Variants in EPHB6 observed in about 807,000 individuals in gnomAD.
The protein encoded by EPHB6 is ephrin type-B receptor 6.
In EPHB6, 51 loss-of-function variants were observed where a neutral mutation model predicts 107.0. The observed-to-expected ratio is 0.48, with a 90% CI of 0.38 to 0.60. EPHB6 has a LOEUF of 0.60. EPHB6 is among the 20% of genes least tolerant of loss of function. EPHB6 has a pLI of 0.00. For synonymous variants in EPHB6, 553 were observed against 549.0 expected (o/e 1.01, Z -0.10); for missense variants, 1,141 against 1,355.5 (o/e 0.84, Z 2.48).
In EPHB6 at chr7:142,869,581, G is replaced by A. The variant is rs1794801004; in HGVS notation, c.2461-236G>A. Among the ~76,000 whole-genome samples, 1 of 152,140 alleles carries A rather than the reference G, an allele frequency of 6.6e-6. No individual in the cohort carries two copies. Among genetic ancestry groups the A allele is most frequent in the South Asian group, 2.1e-4 (1 of 4,828 alleles). ...GAGGGTTGTTATGAGGATTAAATGAGATGCTTGATGTAAAACCCTTAACAT... is the reference window on the plus strand; with the variant it reads ...GAGGGTTGTTATGAGGATTAAATGAAATGCTTGATGTAAAACCCTTAACAT... On this transcript the variant is annotated intron_variant, in intron 16 of 19. Transcript: ENST00000652003. This position sits in a 1 kb window ranked among gnomAD's most constrained non-coding sequence, Gnocchi z 4.5.
Position 142,865,494 on chromosome 7 carries a change from T to C in EPHB6, c.969T>C (p.Tyr323=), listed in dbSNP as rs747000839. ...CCTCAGCCTGCCCACGGGGGCTCTATAAGGCTTCTGCTGGGAATGCTCCCT... is the reference window on the plus strand; with the variant it reads ...CCTCAGCCTGCCCACGGGGGCTCTACAAGGCTTCTGCTGGGAATGCTCCCT... ...KACQACPRGL[Y]KASAGNAPCS... is the part of the protein sequence containing the mutation. Residue 323 remains tyrosine, a synonymous_variant, in exon 8 of 20, where the codon TAT becomes TAC. Transcript: ENST00000652003. 1 of 1,613,404 alleles carries C rather than the reference T, an allele frequency of 6.2e-7. No homozygotes were observed. The highest frequency in any genetic ancestry group is 1.1e-5 in the South Asian group (1 of 91,070).
At chr7:142,861,679 T>C (rs1279221123) in intron 2 of EPHB6, among the ~76,000 whole-genome samples, 6 of 152,260 alleles carry the variant, frequency 3.9e-5, no homozygotes, top group African/African-American at 1.4e-4. Context: ...GGATGTACTA[T>C]AATTTTACTG....
rs778054112 is a variant in EPHB6, at chr7:142,864,685, A to G, written c.885A>G (p.Val295=). 1.2e-6 allele frequency: 2 copies of G among 1,612,906 alleles called. No homozygotes were observed. Among genetic ancestry groups the G allele is most frequent in the Non-Finnish European group, 1.7e-6 (2 of 1,179,982 alleles). The change falls in exon 7 of 20, where the codon GTA becomes GTG. Residue 295 remains valine, a synonymous_variant. Coordinates refer to ENST00000652003, the MANE Select transcript of EPHB6 (RefSeq NM_004445.6). ...GCAACGGGGAGGGCAAGTGGATGGT[A>G]GCTGTCGGGGGCTGCCGCTGCCAGC... ...LHCNGEGKWM[V]AVGGCRCQPG...
chr7:142,856,767 G>C (rs951890755), intron 1 of EPHB6, among the ~76,000 whole-genome samples: 16 of 152,168 alleles, frequency 1.1e-4, no homozygotes, highest in African/African-American at 3.9e-4. Flanking sequence ...ACTGGGGGTA[G>C]AGCAGGGGCC....
intron 1 of EPHB6, among the ~76,000 whole-genome samples, chr7:142,858,502 C>T (rs1399355707): frequency 7.7e-6 from 1 of 130,348 alleles, no homozygotes; most frequent in Non-Finnish European, 1.5e-5. Context: ...GTGGCACGAT[C>T]TCGGCTCACT....
In EPHB6 at chr7:142,868,461, TC is replaced by T. The variant is rs1325288064; in HGVS notation, c.2039-27del. On this transcript the variant is annotated intron_variant, in intron 14 of 19. Transcript: ENST00000652003. The surrounding 1 kb of genome is among the most constrained non-coding windows in gnomAD (Gnocchi z 4.2). ...CACAGCAGGACGCTGTGAGCCTTGA[TC>T]CCCACCCCAACCTACACCTATTTTC... The T allele has an allele frequency of 1.2e-6, 2 of 1,614,068 alleles. No individual in the cohort carries two copies. Among genetic ancestry groups the T allele is most frequent in the Admixed American group, 3.3e-5 (2 of 60,026 alleles).
At position 142,855,076 on chromosome 7, in the gene EPHB6, G is replaced by C. The variant is rs1293311655; in HGVS notation, c.-741G>C. The C allele has an allele frequency of 2.6e-5, 4 of 152,312 alleles. No individual in the cohort carries two copies. In the East Asian group the frequency reaches 5.8e-4, roughly 22 times the overall value. The allele number at this position is 152,312 out of a possible 1,614,324, so 9.4% of individuals were successfully genotyped here. A position where few individuals can be genotyped will look rare whatever the true frequency, so the allele number is the denominator to read the frequency against. On this transcript the variant is annotated 5_prime_UTR_variant, in exon 1 of 20. Transcript: ENST00000652003. The surrounding 1 kb of genome is among the most constrained non-coding windows in gnomAD (Gnocchi z 4.2). ...GGAGGGGACGCGGAGGGGGCGGGCCGGGCTGCGTTCGCTCCAGCCGCGGCT... is the reference window on the plus strand; with the variant it reads ...GGAGGGGACGCGGAGGGGGCGGGCCCGGCTGCGTTCGCTCCAGCCGCGGCT...
rs377141828 is a variant in EPHB6, at chr7:142,868,263, C to T, written c.1941C>T (p.Ile647=). 28 of 1,614,034 alleles carry T rather than the reference C, an allele frequency of 1.7e-5. No homozygotes were observed. The highest frequency in any genetic ancestry group is 1.6e-4 in the Middle Eastern group (1 of 6,084). The change falls in exon 14 of 20, where the codon ATC becomes ATT. Residue 647 remains isoleucine (I), a synonymous_variant. Transcript: ENST00000652003. The surrounding 1 kb of genome is among the most constrained non-coding windows in gnomAD (Gnocchi z 4.2). Reference sequence around the variant, plus strand: ...CAGGACTCGGGGTGAAGTATTACATCGACCCCTCCACCTACGAGGACCCCT... The same window carrying T: ...CAGGACTCGGGGTGAAGTATTACATTGACCCCTCCACCTACGAGGACCCCT... ...SSPGLGVKYY[I]DPSTYEDPCQ...
intron 8 of EPHB6, 51 bp from the exon 9 acceptor site, chr7:142,865,909 C>T (rs747692738): frequency 6.3e-7 from 1 of 1,576,948 alleles, no homozygotes; most frequent in Non-Finnish European, 8.7e-7. Context: ...CTCAATCACC[C>T]CCACTGCTGC....
rs767219551 is a variant in EPHB6 at position 142,864,560 on chromosome 7, G to T, written c.760G>T (p.Ala254Ser). Residue 254 changes from alanine (A) to serine (S), a missense_variant, in exon 7 of 20, where the codon GCC (alanine) becomes TCC (serine). Coordinates refer to ENST00000652003, the MANE Select transcript of EPHB6 (RefSeq NM_004445.6). ...GACGCAGGCCAGTGGGGCTGGGGGGGCCTCCCTGGTGGCAGCTGTGGGCAC... is the reference window on the plus strand; with the variant it reads ...GACGCAGGCCAGTGGGGCTGGGGGGTCCTCCCTGGTGGCAGCTGTGGGCAC... ...PETQASGAGG[A>S]SLVAAVGTCV... 6.2e-7 allele frequency: 1 copy of T among 1,613,200 alleles called. No homozygotes were observed.
chr7:142,867,752 C>A lies in EPHB6; in HGVS notation c.1865+30C>A. 6.3e-7 allele frequency: 1 copy of A among 1,576,778 alleles called. No homozygotes were observed. The highest frequency in any genetic ancestry group is 1.1e-5 in the South Asian group (1 of 87,520). ...GTCCCCACCCCTGCCCAACTCTGCC[C>A]AGCACCATTAACTCCACAGCCAAAC... On this transcript the variant is annotated intron_variant, in intron 12 of 19. Coordinates refer to ENST00000652003, the MANE Select transcript of EPHB6 (RefSeq NM_004445.6). The surrounding 1 kb of genome is among the most constrained non-coding windows in gnomAD (Gnocchi z 5.3).
chr7:142,856,570 T>C (rs1802620486), intron 1 of EPHB6, among the ~76,000 whole-genome samples: 1 of 152,150 alleles, frequency 6.6e-6, no homozygotes, highest in South Asian at 2.1e-4. Flanking sequence ...CACTCTGTCC[T>C]GAGCCTGGGC....
chr7:142,865,424 G>A, intron 7 of EPHB6, 51 bp from the exon 8 acceptor site: 1 of 1,609,786 alleles, frequency 6.2e-7, no homozygotes, highest in Non-Finnish European at 8.5e-7. Context: ...GGGAGCTCAG[G>A]GTGGGTGGAC....
chr7:142,867,927 G>C lies in EPHB6; in HGVS notation c.1866-70G>C. ...CACAGACCGACTAAAGAGCAGTCTG[G>C]AGGGTGACAAGGGGGCAGCAAGGGG... On this transcript the variant is annotated intron_variant, in intron 12 of 19. Coordinates refer to ENST00000652003, the MANE Select transcript of EPHB6 (RefSeq NM_004445.6). This position sits in a 1 kb window ranked among gnomAD's most constrained non-coding sequence, Gnocchi z 5.3. 6.5e-7 allele frequency: 1 copy of C among 1,546,196 alleles called. No individual in the cohort carries two copies. Among genetic ancestry groups the C allele is most frequent in the Non-Finnish European group, 8.7e-7 (1 of 1,144,064 alleles).
chr7:142,866,925 C>T lies in EPHB6; in HGVS notation c.1607C>T (p.Ser536Phe). The part of the protein sequence containing the change: ...YYDQAEDESH[S>F]FTLTSETNTA... ...CCCCAGGCAGAAGACGAATCCCACTCCTTCACCCTGACCAGCGAGACCAAC... is the reference window on the plus strand; with the variant it reads ...CCCCAGGCAGAAGACGAATCCCACTTCTTCACCCTGACCAGCGAGACCAAC... The change falls in exon 11 of 20, where the codon TCC becomes TTC. Residue 536 changes from serine to phenylalanine, a missense_variant. Ser to Phe is a radical substitution (Grantham distance 155). This residue lies in a region of EPHB6 where 616 missense variants were observed against 759.3 expected (regional missense o/e 0.81). Coordinates refer to ENST00000652003, the MANE Select transcript of EPHB6 (RefSeq NM_004445.6). The surrounding 1 kb of genome is among the most constrained non-coding windows in gnomAD (Gnocchi z 5.2). 1 of 1,613,730 alleles carries T rather than the reference C, an allele frequency of 6.2e-7. No homozygotes were observed. Among genetic ancestry groups the T allele is most frequent in the Non-Finnish European group, 8.5e-7 (1 of 1,179,888 alleles).
At chr7:142,856,347 C>CT (rs1347401930) in intron 1 of EPHB6, among the ~76,000 whole-genome samples, 4 of 152,312 alleles carry the variant, frequency 2.6e-5, no homozygotes, top group African/African-American at 7.2e-5. Context: ...AGCAGTGGGC[C>CT]TTTTTTCTCA....
rs2116442354 is a variant in EPHB6, at chr7:142,866,045, G to T, written c.1191G>T (p.Gly397=). 1 of 1,612,644 alleles carries T rather than the reference G, an allele frequency of 6.2e-7. No individual in the cohort carries two copies. Among genetic ancestry groups the T allele is most frequent in the Non-Finnish European group, 8.5e-7 (1 of 1,179,334 alleles). The change falls in exon 9 of 20, where the codon GGG becomes GGT. Residue 397 remains glycine, a synonymous_variant. Transcript: ENST00000652003. The surrounding 1 kb of genome is among the most constrained non-coding windows in gnomAD (Gnocchi z 5.2). The part of the protein sequence containing the change: ...MLHWRLPREL[G]GRGDLLFNVV... ...ACTGGCGCCTGCCTCGGGAGCTGGGGGGTCGAGGGGACCTGCTCTTCAATG... is the reference window on the plus strand; with the variant it reads ...ACTGGCGCCTGCCTCGGGAGCTGGGTGGTCGAGGGGACCTGCTCTTCAATG...
At chr7:142,856,460 G>A (rs952171928) in intron 1 of EPHB6, among the ~76,000 whole-genome samples, 1 of 152,158 alleles carries the variant, frequency 6.6e-6, no homozygotes, top group Non-Finnish European at 1.5e-5. Flanking sequence ...AAGATGGTTG[G>A]CAATGACACT....
rs771083211 is a variant in EPHB6, at chr7:142,870,755, G to A, written c.2961-41G>A. 86 of 1,614,010 alleles carry A rather than the reference G, an allele frequency of 5.3e-5. 2 individuals carry two copies. The highest frequency in any genetic ancestry group is 2.2e-4 in the South Asian group (20 of 91,084). ...GGCTGGGGGTCGTATTGGGGATCTCGGAGAAGCTGGCCCAGATTTGATCCC... is the reference window on the plus strand; with the variant it reads ...GGCTGGGGGTCGTATTGGGGATCTCAGAGAAGCTGGCCCAGATTTGATCCC... On this transcript the variant is annotated intron_variant, in intron 19 of 19. Transcript: ENST00000652003.
Sources: gnomAD v4.1 joint callset for allele counts (sites outside exome capture counted in the v4.1 genomes callset) on GRCh38, gnomAD v4.1.1 for gene constraint, gnomAD v4.1.1 regional missense constraint, Gnocchi (gnomAD v3.1) non-coding constraint, MANE v1.5 for transcripts, NCBI Gene and HGNC (gene_info 2026-07-23, HGNC 2026-07-21) for gene names.